Variants in RASAL2 observed in about 807,000 individuals in gnomAD.
RASAL2 encodes ras GTPase-activating protein nGAP.
In RASAL2, 58 loss-of-function variants were observed where a neutral mutation model predicts 128.9. That is an observed-to-expected ratio of 0.45 (90% CI 0.36 to 0.56). The LOEUF is 0.56. RASAL2 is among the 20% of genes least tolerant of loss of function. RASAL2 has a pLI of 0.00. For synonymous variants in RASAL2, 561 were observed against 580.8 expected (o/e 0.97, Z 0.49); for missense variants, 1,360 against 1,601.6 (o/e 0.85, Z 2.57).
chr1:178,410,607 G>A (rs1015990778), intron 4 of RASAL2, among the ~76,000 whole-genome samples: 2 of 152,050 alleles, frequency 1.3e-5, no homozygotes, highest in Admixed American at 6.6e-5. Flanking sequence ...GGAGAAAAAT[G>A]TTCACAAACT....
intron 3 of RASAL2, among the ~76,000 whole-genome samples, chr1:178,311,522 C>T (rs1159678264): frequency 1.3e-5 from 2 of 151,804 alleles, no homozygotes; most frequent in Non-Finnish European, 2.9e-5. Context: ...TAGTATAAGA[C>T]TCCAAGTATA....
chr1:178,359,486 G>T (rs1670992296), intron 3 of RASAL2, among the ~76,000 whole-genome samples: 1 of 152,078 alleles, frequency 6.6e-6, no homozygotes, highest in Non-Finnish European at 1.5e-5. Context: ...TTTGTGTTTT[G>T]TCATCCAGCA....
intron 1 of RASAL2, among the ~76,000 whole-genome samples, chr1:178,253,436 A>G (rs1285256827): frequency 1.3e-5 from 2 of 152,208 alleles, no homozygotes; most frequent in Non-Finnish European, 2.9e-5. Context: ...GCTTCTAAGC[A>G]AAAGTGTCCC....
At chr1:178,190,267 A>G (rs79649686) in intron 1 of RASAL2, among the ~76,000 whole-genome samples, 64 of 142,868 alleles carry the variant, frequency 4.5e-4, no homozygotes, top group East Asian at 9.6e-4. Context: ...GTATATGTCT[A>G]TATTTTCCAA....
intron 3 of RASAL2, chr1:178,341,452 T>TTCCA: frequency 1.3e-6 from 2 of 1,483,750 alleles, no homozygotes; most frequent in Non-Finnish European, 9.0e-7. Flanking sequence ...CTTTTCTGCA[T>TTCCA]TCCAAACTGT....
rs901379454 is a variant in RASAL2 at position 178,207,969 on chromosome 1, T to C, written c.203-75595T>C. On this transcript the variant is annotated intron_variant, in intron 1 of 17. Coordinates refer to ENST00000367649, the MANE Select transcript of RASAL2 (RefSeq NM_170692.4). ...GCAGAGGAATATGAATTGTGAAGAT[T>C]TCATGGACATTTATCAGTTCCCAAA... Among the ~76,000 whole-genome samples the C allele has an allele frequency of 9.2e-5, 14 of 152,184 alleles. No individual in the cohort carries two copies. The East Asian group carries it at 2.7e-3, about 29-fold the overall frequency.
intron 1 of RASAL2, among the ~76,000 whole-genome samples, chr1:178,224,593 T>C (rs966808088): frequency 6.6e-6 from 1 of 152,196 alleles, no homozygotes; most frequent in Non-Finnish European, 1.5e-5. Flanking sequence ...AAATGAGTTC[T>C]ATTTTTAAAG....
intron 3 of RASAL2, among the ~76,000 whole-genome samples, chr1:178,382,490 A>G (rs1459386552): frequency 3.3e-5 from 5 of 152,234 alleles, no homozygotes; most frequent in East Asian, 1.9e-4. Flanking sequence ...GCAGCCCATT[A>G]TACAAAACAC....
At chr1:178,438,101 CTT>C (rs1491585765) in intron 5 of RASAL2, among the ~76,000 whole-genome samples, 4 of 97,958 alleles carry the variant, frequency 4.1e-5, no homozygotes, top group South Asian at 3.6e-4. Flanking sequence ...TAAATGGTGG[CTT>C]GTGTGTGTGT....
intron 2 of RASAL2, among the ~76,000 whole-genome samples, chr1:178,294,064 A>G (rs1349750763): frequency 2.0e-5 from 3 of 152,252 alleles, no homozygotes; most frequent in Non-Finnish European, 4.4e-5. Context: ...GCAATTTGGT[A>G]TTTCTAGAAT....
chr1:178,133,773 G>A (rs746342372), intron 1 of RASAL2, among the ~76,000 whole-genome samples: 1 of 152,162 alleles, frequency 6.6e-6, no homozygotes, highest in Non-Finnish European at 1.5e-5. Flanking sequence ...ATAGTGCTAA[G>A]TTTGTCAGTG....
chr1:178,475,462 G>T lies in RASAL2; in HGVS notation c.*2223G>T, dbSNP rs1648605925. ...TTGTTTCTGGCTATTCTCAGCTCAA[G>T]CCATGTTTAATTCATTCTTTGTAAA... On this transcript the variant is annotated 3_prime_UTR_variant, in exon 18 of 18. Transcript: ENST00000367649. The T allele has an allele frequency of 6.6e-6, 1 of 152,212 alleles. No homozygotes were observed. The highest frequency in any genetic ancestry group is 2.4e-5 in the African/African-American group (1 of 41,454). The allele number at this position is 152,212 out of a possible 1,614,324, so 9.4% of individuals were successfully genotyped here.
intron 1 of RASAL2, among the ~76,000 whole-genome samples, chr1:178,260,554 C>T (rs747178523): frequency 3.3e-5 from 5 of 149,444 alleles, no homozygotes; most frequent in Admixed American, 6.7e-5. Context: ...TTAGGTGAAT[C>T]GTTCATACAA....
In RASAL2 at chr1:178,310,965, T is replaced by G. The variant is rs142813106; in HGVS notation, c.457+10847T>G. ...AAATGGGTGCCCAAGAAGACCAGAG[T>G]AGAGTACTCCAAAATGTGATACCCA... On this transcript the variant is annotated intron_variant, in intron 3 of 17. Coordinates refer to ENST00000367649, the MANE Select transcript of RASAL2 (RefSeq NM_170692.4). 3.7e-3 allele frequency among the ~76,000 whole-genome samples: 567 copies of G among 151,944 alleles called. 3 individuals are homozygous for G. Among genetic ancestry groups the G allele is most frequent in the African/African-American group, 0.013 (531 of 41,404 alleles).
At chr1:178,120,239 A>C (rs1027306252) in intron 1 of RASAL2, among the ~76,000 whole-genome samples, 1 of 152,110 alleles carries the variant, frequency 6.6e-6, no homozygotes, top group Non-Finnish European at 1.5e-5. Context: ...GTTGCAATGA[A>C]CTCATAATTT....
intron 1 of RASAL2, among the ~76,000 whole-genome samples, chr1:178,097,650 A>G (rs2102212274): frequency 6.6e-6 from 1 of 152,322 alleles, no homozygotes; most frequent in Non-Finnish European, 1.5e-5. Flanking sequence ...GAACTTTATT[A>G]AGTGCAATTT....
At chr1:178,296,457 T>C (rs1055846641) in intron 2 of RASAL2, among the ~76,000 whole-genome samples, 4 of 152,164 alleles carry the variant, frequency 2.6e-5, no homozygotes, top group African/African-American at 9.7e-5. Context: ...ATTCCTGTGC[T>C]TAAGTGATCC....
At chr1:178,101,622 A>C (rs1168353905) in intron 1 of RASAL2, among the ~76,000 whole-genome samples, 1 of 152,244 alleles carries the variant, frequency 6.6e-6, no homozygotes, top group African/African-American at 2.4e-5. Context: ...GAAAAGTTAA[A>C]ATGAAACCTT....
At chr1:178,305,808 A>G (rs12092135) in intron 3 of RASAL2, among the ~76,000 whole-genome samples, 11,137 of 152,266 alleles carry the variant, frequency 0.073, 804 homozygotes, top group African/African-American at 0.19. Context: ...CTGAGATTTA[A>G]TGACATTCCT....
Sources: gnomAD v4.1 joint callset for allele counts (sites outside exome capture counted in the v4.1 genomes callset) on GRCh38, gnomAD v4.1.1 for gene constraint, MANE v1.5 for transcripts, NCBI Gene and HGNC (gene_info 2026-07-23, HGNC 2026-07-21) for gene names.